PCDH9: variants seen among roughly 807,000 people sequenced by gnomAD.
PCDH9 encodes the protein protocadherin-9.
In PCDH9, 24 loss-of-function variants were observed where a neutral mutation model predicts 70.6. The observed-to-expected ratio is 0.34, with a 90% confidence interval of 0.25 to 0.48. The LOEUF (loss-of-function observed/expected upper bound fraction) is 0.48. PCDH9 is among the 20% of genes least tolerant of loss of function. The probability of loss-of-function intolerance (pLI) is 0.99; values close to 1 mark genes in which losing one functional copy is unlikely to be tolerated. For missense variants in PCDH9, 1,281 were observed against 1,503.6 expected, an observed-to-expected ratio of 0.85 and a Z score of 2.45; for synonymous variants, 562 against 558.5, an observed-to-expected ratio of 1.01 and a Z score of -0.09.
intron 3 of PCDH9, among the ~76,000 whole-genome samples, chr13:66,772,458 T>C (rs1022736818): frequency 6.6e-6 from 1 of 152,212 alleles, no homozygotes; most frequent in East Asian, 1.9e-4. Context: ...TAGTAAATTG[T>C]AAGCAAATGA....
At chr13:66,966,808 G>A (rs1415325933) in intron 2 of PCDH9, among the ~76,000 whole-genome samples, 1 of 152,008 alleles carries the variant, frequency 6.6e-6, no homozygotes, top group Admixed American at 6.6e-5. Flanking sequence ...GAAGTCTACA[G>A]TGAAGAGGTG....
In PCDH9 at chr13:66,578,405, G is replaced by A. The variant is rs118070137; in HGVS notation, c.3340+52805C>T. 3.6e-4 allele frequency among the ~76,000 whole-genome samples: 55 copies of A among 151,752 alleles called. 1 individual carries two copies. In the East Asian group the frequency reaches 7.0e-3, roughly 19 times the overall value. ...TTTTTTTTTTCGTCTTTAGAGTGAC[G>A]ATAATAGCTACCCACCCCACAGGAT... On this transcript the variant is annotated intron_variant, in intron 4 of 4. Transcript: ENST00000377865.
intron 3 of PCDH9, among the ~76,000 whole-genome samples, chr13:66,824,381 C>T (rs562799200): frequency 2.7e-5 from 4 of 145,680 alleles, no homozygotes; most frequent in Non-Finnish European, 4.5e-5. Context: ...TAAGGCCCAG[C>T]GCGGTGGCTC....
At chr13:66,312,880 C>T (rs1000341453) in intron 4 of PCDH9, among the ~76,000 whole-genome samples, 2 of 152,118 alleles carry the variant, frequency 1.3e-5, no homozygotes, top group African/African-American at 4.8e-5. Context: ...CTTCCTTGGT[C>T]ACAGATGAAA....
chr13:67,102,812 CAG>C (rs1206184488), intron 2 of PCDH9, among the ~76,000 whole-genome samples: 4 of 151,998 alleles, frequency 2.6e-5, no homozygotes, highest in East Asian at 1.9e-4. Flanking sequence ...ATGAAAATAA[CAG>C]AGAGAGTAGT....
At chr13:67,196,325 T>A (rs912664496) in intron 2 of PCDH9, among the ~76,000 whole-genome samples, 1 of 152,018 alleles carries the variant, frequency 6.6e-6, no homozygotes, top group African/African-American at 2.4e-5. Context: ...AAGAAATACA[T>A]CCTAAAGAAA....
intron 4 of PCDH9, among the ~76,000 whole-genome samples, chr13:66,494,079 G>C (rs1959076606): frequency 6.6e-6 from 1 of 152,010 alleles, no homozygotes; most frequent in Admixed American, 6.6e-5. Flanking sequence ...AATTGTAATA[G>C]TTGAAAGAAA....
At chr13:67,007,287 T>C (rs111451324) in intron 2 of PCDH9, among the ~76,000 whole-genome samples, 1 of 151,956 alleles carries the variant, frequency 6.6e-6, no homozygotes, top group Non-Finnish European at 1.5e-5. Context: ...TGTAAAAAAA[T>C]TTATAAGTAT....
At chr13:66,943,683 T>A (rs564859660) in intron 2 of PCDH9, among the ~76,000 whole-genome samples, 2 of 152,048 alleles carry the variant, frequency 1.3e-5, no homozygotes, top group African/African-American at 4.8e-5. Context: ...CCAAAGGATA[T>A]GTGTATTTAT....
At chr13:66,881,452 A>G (rs1367570961) in intron 3 of PCDH9, among the ~76,000 whole-genome samples, 1 of 152,150 alleles carries the variant, frequency 6.6e-6, no homozygotes, top group African/African-American at 2.4e-5. Context: ...TTCATTATCA[A>G]GAGAACAGCA....
intron 2 of PCDH9, among the ~76,000 whole-genome samples, chr13:66,913,806 TATACATTTGCTTATCTC>T (rs1462395449): frequency 1.4e-4 from 22 of 152,046 alleles, no homozygotes; most frequent in Non-Finnish European, 2.9e-4. Flanking sequence ...TGGCTTTAGT[TATACATTTGCTTATCTC>T]ATTGATATCT....
At chr13:66,853,951 A>G (rs2081354859) in intron 3 of PCDH9, among the ~76,000 whole-genome samples, 1 of 152,224 alleles carries the variant, frequency 6.6e-6, no homozygotes, top group Admixed American at 6.5e-5. Context: ...AGAAAAATAT[A>G]GCCTCACAAA....
At chr13:67,018,885 A>G (rs1196063507) in intron 2 of PCDH9, among the ~76,000 whole-genome samples, 1 of 152,156 alleles carries the variant, frequency 6.6e-6, no homozygotes. Context: ...ATACAATTCT[A>G]GCTTAACTTA....
At chr13:66,967,425 T>C (rs527760347) in intron 2 of PCDH9, among the ~76,000 whole-genome samples, 4 of 152,110 alleles carry the variant, frequency 2.6e-5, no homozygotes, top group African/African-American at 9.6e-5. Flanking sequence ...ACATTCAGAG[T>C]GCTCAGAAAC....
At chr13:67,005,712 G>A (rs997203986) in intron 2 of PCDH9, among the ~76,000 whole-genome samples, 55 of 152,274 alleles carry the variant, frequency 3.6e-4, no homozygotes, top group African/African-American at 1.3e-3. Context: ...AATTTCCAAA[G>A]TAAAGAAATG....
chr13:66,445,200 C>G (rs1271568439), intron 4 of PCDH9, among the ~76,000 whole-genome samples: 1 of 146,010 alleles, frequency 6.8e-6, no homozygotes, highest in African/African-American at 2.5e-5. Context: ...ATGTAGTACA[C>G]TTCAAATATA....
intron 4 of PCDH9, among the ~76,000 whole-genome samples, chr13:66,386,334 C>T (rs1956929292): frequency 6.6e-6 from 1 of 152,100 alleles, no homozygotes; most frequent in South Asian, 2.1e-4. Flanking sequence ...AAGTCAAATA[C>T]TGTATCTTTG....
At chr13:66,871,024 G>A (rs577115884) in intron 3 of PCDH9, among the ~76,000 whole-genome samples, 2 of 152,246 alleles carry the variant, frequency 1.3e-5, no homozygotes, top group Non-Finnish European at 1.5e-5. Flanking sequence ...TTAAGAAAAT[G>A]TGGCACATAT....
At chr13:67,112,108 T>C (rs950592467) in intron 2 of PCDH9, among the ~76,000 whole-genome samples, 3 of 152,202 alleles carry the variant, frequency 2.0e-5, no homozygotes, top group Non-Finnish European at 4.4e-5. Flanking sequence ...CGACTGACTT[T>C]CATTAGAGCC....
Sources: allele counts gnomAD v4.1 joint callset (sites outside exome capture counted in the v4.1 genomes callset), GRCh38; gene constraint gnomAD v4.1.1; transcripts MANE v1.5; gene names NCBI Gene and HGNC (gene_info 2026-07-23, HGNC 2026-07-21).